The following IGF2R variants were observed in gnomAD, a reference collection of about 807,000 sequenced individuals.
IGF2R encodes insulin like growth factor 2 receptor, also known as cation-independent mannose-6-phosphate receptor.
Under a neutral mutation model 270.6 loss-of-function variants are expected in IGF2R, and 91 were observed. The observed-to-expected ratio is 0.34, with a 90% CI of 0.28 to 0.40. IGF2R has a LOEUF of 0.40. IGF2R is among the 10% of genes least tolerant of loss of function. IGF2R has a pLI of 1.00. For missense variants in IGF2R, 2,805 were observed against 3,188.3 expected (o/e 0.88, Z 2.90); for synonymous variants, 1,316 against 1,258.9 (o/e 1.05, Z -0.96).
intron 37 of IGF2R, among the ~76,000 whole-genome samples, chr6:160,079,101 C>T (rs1040912915): frequency 2.6e-5 from 4 of 152,210 alleles, no homozygotes; most frequent in African/African-American, 9.7e-5. Flanking sequence ...TGATGGAGCC[C>T]TCTGCCTGGG....
chr6:160,052,543 A>G (rs570522566), intron 19 of IGF2R, among the ~76,000 whole-genome samples: 1 of 152,310 alleles, frequency 6.6e-6, no homozygotes, highest in African/African-American at 2.4e-5. Context: ...CATCCCCATC[A>G]AGCTACCAAT....
intron 36 of IGF2R, 49 bp downstream of exon 36, chr6:160,076,045 G>A (rs1448237176): frequency 6.3e-7 from 1 of 1,587,872 alleles, no homozygotes; most frequent in South Asian, 1.1e-5. Context: ...GGGTTAGTGA[G>A]CCAAGGCTAG....
At position 159,969,114 on chromosome 6, in the gene IGF2R, C is replaced by A. The variant is rs1191287592; in HGVS notation, c.-133C>A. The A allele has an allele frequency of 1.7e-5, 7 of 420,088 alleles. No individual in the cohort carries two copies. Among genetic ancestry groups the A allele is most frequent in the African/African-American group, 1.5e-4 (7 of 45,758 alleles). 26.0% of individuals were successfully genotyped at this position (420,088 alleles called of 1,614,324 possible). On this transcript the variant is annotated 5_prime_UTR_variant, in exon 1 of 48. Transcript: ENST00000356956. ...TCGCTGTCGCCGAGCCCAGTCGAGCCGCGCTCACCTCGGGCTCCCGCTCCG... is the reference window on the plus strand; with the variant it reads ...TCGCTGTCGCCGAGCCCAGTCGAGCAGCGCTCACCTCGGGCTCCCGCTCCG...
rs551705754 is a variant in IGF2R, at chr6:160,097,738, C to T, written c.6842+1113C>T. Among the ~76,000 whole-genome samples the T allele has an allele frequency of 3.3e-5, 5 of 152,236 alleles. No homozygotes were observed. In the East Asian group the frequency reaches 7.7e-4, roughly 24 times the overall value. Reference sequence around the variant, plus strand: ...TTTCCTTCATGTCCTGAAAAAGGGACCGTAGAGTCAGCAGACGACAGTGGT... The same window carrying T: ...TTTCCTTCATGTCCTGAAAAAGGGATCGTAGAGTCAGCAGACGACAGTGGT... On this transcript the variant is annotated intron_variant, in intron 45 of 47. Coordinates refer to ENST00000356956, the MANE Select transcript of IGF2R (RefSeq NM_000876.4).
intron 4 of IGF2R, among the ~76,000 whole-genome samples, chr6:160,020,764 C>T (rs770446391): frequency 2.0e-5 from 3 of 152,076 alleles, no homozygotes; most frequent in Non-Finnish European, 4.4e-5. Context: ...GAAACTGGAC[C>T]CCTATCTCTT....
intron 36 of IGF2R, among the ~76,000 whole-genome samples, chr6:160,076,299 T>A (rs535969566): frequency 5.9e-5 from 9 of 152,352 alleles, no homozygotes; most frequent in African/African-American, 2.2e-4. Flanking sequence ...GTTTTTACTT[T>A]AACAATTACT....
At chr6:160,104,085 AAAAAC>A (rs2114745741) in intron 47 of IGF2R, among the ~76,000 whole-genome samples, 1 of 152,250 alleles carries the variant, frequency 6.6e-6, no homozygotes, top group South Asian at 2.1e-4. Flanking sequence ...TCTTTAAAAA[AAAAAC>A]AAAACACACA....
rs75112052 is a variant in IGF2R at position 159,974,383 on chromosome 6, G to C, written c.149+4988G>C. Reference sequence around the variant, plus strand: ...TTTTACCCCTTAAAAATTGTTTTTGGGTTCTTCTCCTTATTGAGCTTTAGG... The same window carrying C: ...TTTTACCCCTTAAAAATTGTTTTTGCGTTCTTCTCCTTATTGAGCTTTAGG... On this transcript the variant is annotated intron_variant, in intron 1 of 47. Transcript: ENST00000356956. 9.0e-3 allele frequency among the ~76,000 whole-genome samples: 1,367 copies of C among 152,088 alleles called. 16 individuals are homozygous for C. The highest frequency in any genetic ancestry group is 0.013 in the South Asian group (62 of 4,810).
At chr6:159,972,854 A>G (rs912339871) in intron 1 of IGF2R, among the ~76,000 whole-genome samples, 7 of 152,244 alleles carry the variant, frequency 4.6e-5, no homozygotes, top group African/African-American at 1.7e-4. Context: ...CCCAAAGTGT[A>G]TCTGGCTTGA....
chr6:160,044,836 C>T (rs1778033749), intron 13 of IGF2R, among the ~76,000 whole-genome samples, 179 bp downstream of exon 13: 1 of 152,170 alleles, frequency 6.6e-6, no homozygotes, highest in Admixed American at 6.5e-5. Flanking sequence ...TTTCCCTCAT[C>T]CCCTCCTCAA....
At chr6:160,035,940 G>C (rs1363369915) in intron 10 of IGF2R, among the ~76,000 whole-genome samples, 5 of 152,198 alleles carry the variant, frequency 3.3e-5, no homozygotes, top group Admixed American at 2.0e-4. Flanking sequence ...ACTACATTGA[G>C]GAGCATGCCA....
intron 4 of IGF2R, among the ~76,000 whole-genome samples, chr6:160,015,783 T>C (rs779576632): frequency 7.9e-5 from 12 of 152,214 alleles, no homozygotes; most frequent in Non-Finnish European, 1.5e-4. Flanking sequence ...GATTAAATCA[T>C]GGGGGTCCCT....
In IGF2R at chr6:160,033,031, G is replaced by A; in HGVS notation, c.1135G>A (p.Ala379Thr). The A allele has an allele frequency of 6.2e-7, 1 of 1,611,732 alleles. No homozygotes were observed. The highest frequency in any genetic ancestry group is 8.5e-7 in the Non-Finnish European group (1 of 1,177,832). The change falls in exon 9 of 48, where the codon GCT becomes ACT. Residue 379 changes from alanine (A) to threonine (T), a missense_variant. Around this residue, in one of 2 missense-constraint regions of IGF2R, gnomAD observed 954 missense variants for 981.1 expected, o/e 0.97. Coordinates refer to ENST00000356956, the MANE Select transcript of IGF2R (RefSeq NM_000876.4). ...TEIQFCNKKQ[A>T]AVCQVKKSDT... is the part of the protein sequence containing the mutation. Reference sequence around the variant, plus strand: ...AATACAGTTCTGTAATAAAAAACAAGCTGCAGTTTGCCAAGTGAAAAAGAG... The same window carrying A: ...AATACAGTTCTGTAATAAAAAACAAACTGCAGTTTGCCAAGTGAAAAAGAG...
intron 1 of IGF2R, among the ~76,000 whole-genome samples, chr6:159,985,546 A>G (rs528852622): frequency 6.6e-6 from 1 of 152,328 alleles, no homozygotes; most frequent in East Asian, 1.9e-4. Flanking sequence ...TTCCTTCTCA[A>G]GCCATCAGTA....
chr6:159,975,129 C>G (rs1391252548), intron 1 of IGF2R, among the ~76,000 whole-genome samples: 1 of 152,152 alleles, frequency 6.6e-6, no homozygotes, highest in East Asian at 1.9e-4. Flanking sequence ...AGACCGCTCC[C>G]CACCCCACAC....
chr6:160,089,396 T>C (rs530565940), intron 43 of IGF2R, 143 bp downstream of exon 43: 8 of 687,230 alleles, frequency 1.2e-5, no homozygotes, highest in Non-Finnish European at 1.8e-5. Flanking sequence ...CATCTTTTGC[T>C]TAAACTGAGG....
At chr6:160,080,947 C>G (rs1778967310) in intron 39 of IGF2R, among the ~76,000 whole-genome samples, 1 of 144,458 alleles carries the variant, frequency 6.9e-6, no homozygotes, top group African/African-American at 2.6e-5. Context: ...GAAACCCCGT[C>G]TCTACTAAAA....
chr6:160,082,685 G>A (rs1317414792), intron 39 of IGF2R, among the ~76,000 whole-genome samples: 1 of 152,216 alleles, frequency 6.6e-6, no homozygotes, highest in Non-Finnish European at 1.5e-5. Flanking sequence ...CTAGGGCTGT[G>A]GGGTTATTAA....
At position 160,102,785 on chromosome 6, in the gene IGF2R, G is replaced by T; in HGVS notation, c.6995+114G>T. 1 of 1,237,000 alleles carries T rather than the reference G, an allele frequency of 8.1e-7. No homozygotes were observed. Among genetic ancestry groups the T allele is most frequent in the South Asian group, 1.6e-5 (1 of 63,158 alleles). The allele number at this position is 1,237,000 out of a possible 1,614,324, so 76.6% of individuals were successfully genotyped here. On this transcript the variant is annotated intron_variant, in intron 46 of 47. Transcript: ENST00000356956. This position sits in a 1 kb window ranked among gnomAD's most constrained non-coding sequence, Gnocchi z 4.5. ...TGTTTTTAAGCCCTACAGCAGCGAAGGCTCGAGGTTCTTAGTCCAAAACTC... is the reference window on the plus strand; with the variant it reads ...TGTTTTTAAGCCCTACAGCAGCGAATGCTCGAGGTTCTTAGTCCAAAACTC...
Sources: gnomAD v4.1 joint callset for allele counts (sites outside exome capture counted in the v4.1 genomes callset) on GRCh38, gnomAD v4.1.1 for gene constraint, gnomAD v4.1.1 regional missense constraint, Gnocchi (gnomAD v3.1) non-coding constraint, MANE v1.5 for transcripts, NCBI Gene and HGNC (gene_info 2026-07-23, HGNC 2026-07-21) for gene names.